The following SRRM3 variants were observed in gnomAD, a reference collection of about 807,000 sequenced individuals.
SRRM3 encodes serine/arginine repetitive matrix protein 3.
Under a neutral mutation model 66.2 loss-of-function variants are expected in SRRM3, and 27 were observed. The observed-to-expected ratio is 0.41, with a 90% confidence interval of 0.30 to 0.56. The LOEUF is 0.56. SRRM3 is among the 20% of genes least tolerant of loss of function. The pLI is 0.32. For missense variants in SRRM3, 918 were observed against 991.9 expected (o/e 0.93, Z 1.00); for synonymous variants, 391 against 414.9 (o/e 0.94, Z 0.70).
chr7:76,216,750 G>GTCTCTCCC (rs1800579816), intron 1 of SRRM3, among the ~76,000 whole-genome samples: 1 of 152,164 alleles, frequency 6.6e-6, no homozygotes, highest in Non-Finnish European at 1.5e-5. Context: ...TGAATGTGGG[G>GTCTCTCCC]TCTCTCCCTC....
At chr7:76,274,780 G>T (rs142523644) in intron 11 of SRRM3, among the ~76,000 whole-genome samples, 331 of 152,302 alleles carry the variant, frequency 2.2e-3, no homozygotes, top group Middle Eastern at 3.4e-3. Context: ...CCTTTAAACT[G>T]TTTCCTTTCC....
intron 1 of SRRM3, among the ~76,000 whole-genome samples, chr7:76,218,174 G>A (rs1159139637): frequency 6.6e-6 from 1 of 152,138 alleles, no homozygotes; most frequent in East Asian, 1.9e-4. Flanking sequence ...TGAAAACTGG[G>A]TAAAGCACAC....
chr7:76,264,180 T>C (rs1245204915), intron 8 of SRRM3, among the ~76,000 whole-genome samples: 2 of 150,958 alleles, frequency 1.3e-5, no homozygotes, highest in Non-Finnish European at 3.0e-5. Flanking sequence ...TTTTTTTTTT[T>C]TCCTGAGACG....
chr7:76,248,322 G>T, intron 3 of SRRM3, 33 bp downstream of exon 3: 1 of 1,554,338 alleles, frequency 6.4e-7, no homozygotes, highest in Non-Finnish European at 8.9e-7. Flanking sequence ...ATGAGGGAGA[G>T]GGGGTGCAGG....
chr7:76,231,896 G>C (rs184042135), intron 1 of SRRM3, among the ~76,000 whole-genome samples: 1 of 152,286 alleles, frequency 6.6e-6, no homozygotes, highest in Non-Finnish European at 1.5e-5. Context: ...CTCCAGCGGA[G>C]GGGAAACACA....
In SRRM3 at chr7:76,286,574, C is replaced by T. The variant is rs782222478; in HGVS notation, c.*731C>T. ...CTTGGTCTGACCTCTCCAGGCCAGG[C>T]TCTCCTCACCCCATGCCCTGGGCCA... is the stretch of plus-strand genomic sequence containing the variant. On this transcript the variant is annotated 3_prime_UTR_variant, in exon 15 of 15. Transcript: ENST00000611745. 3.9e-5 allele frequency: 6 copies of T among 152,362 alleles called. No homozygotes were observed. The highest frequency in any genetic ancestry group is 2.0e-4 in the Admixed American group (3 of 15,272). The allele number at this position is 152,362 out of a possible 1,614,324, so 9.4% of individuals were successfully genotyped here.
chr7:76,285,756 T>C lies in SRRM3; in HGVS notation c.1875T>C (p.His625=), dbSNP rs1015719360. 6.4e-7 allele frequency: 1 copy of C among 1,550,794 alleles called. No individual in the cohort carries two copies. Among genetic ancestry groups the C allele is most frequent in the Non-Finnish European group, 8.7e-7 (1 of 1,146,950 alleles). The change falls in exon 15 of 15, where the codon CAT becomes CAC. Residue 625 remains histidine (H), a synonymous_variant. Transcript: ENST00000611745. This position sits in a 1 kb window ranked among gnomAD's most constrained non-coding sequence, Gnocchi z 4.1. ...ACGGGAGCTACAGCAGTCGCAGCCATGGGACCCGCAGCCGGACACGCAGCC... is the reference window on the plus strand; with the variant it reads ...ACGGGAGCTACAGCAGTCGCAGCCACGGGACCCGCAGCCGGACACGCAGCC... The part of the protein sequence containing the change: ...HSHGSYSSRS[H]GTRSRTRSPS...
At chr7:76,229,590 T>G (rs1800961701) in intron 1 of SRRM3, among the ~76,000 whole-genome samples, 1 of 152,194 alleles carries the variant, frequency 6.6e-6, no homozygotes, top group African/African-American at 2.4e-5. Flanking sequence ...TGATATTGAC[T>G]CAAATTGAGT....
chr7:76,283,776 G>T (rs891834939), intron 14 of SRRM3: 28 of 985,304 alleles, frequency 2.8e-5, no homozygotes, highest in Middle Eastern at 5.2e-4. Context: ...GGCGTGGCTG[G>T]TGAAGCCATT....
intron 2 of SRRM3, among the ~76,000 whole-genome samples, chr7:76,240,906 G>GT (rs1262641173): frequency 6.6e-6 from 1 of 151,412 alleles, no homozygotes; most frequent in East Asian, 2.0e-4. Context: ...TTGGTTTTTT[G>GT]TTTTTTTCAA....
At chr7:76,244,859 T>G (rs2117019526) in intron 2 of SRRM3, among the ~76,000 whole-genome samples, 1 of 152,382 alleles carries the variant, frequency 6.6e-6, no homozygotes, top group East Asian at 1.9e-4. Flanking sequence ...TCCATGCCTC[T>G]CTATCACCAG....
intron 1 of SRRM3, among the ~76,000 whole-genome samples, chr7:76,222,836 G>A (rs1183788961): frequency 6.6e-6 from 1 of 151,816 alleles, no homozygotes; most frequent in African/African-American, 2.4e-5. Context: ...GGCTGGTCTC[G>A]AACTCCTGAC....
chr7:76,217,596 G>GT (rs1336889170), intron 1 of SRRM3, among the ~76,000 whole-genome samples: 15 of 152,134 alleles, frequency 9.9e-5, no homozygotes, highest in Non-Finnish European at 1.9e-4. Context: ...GCAAATGCAG[G>GT]TTTTACGTCC....
At chr7:76,252,009 T>C (rs1356720847) in intron 3 of SRRM3, among the ~76,000 whole-genome samples, 8 of 152,066 alleles carry the variant, frequency 5.3e-5, no homozygotes, top group Admixed American at 1.3e-4. Flanking sequence ...AGGTGGAGTT[T>C]GCACTGAGCC....
chr7:76,222,796 A>AT (rs1800759536), intron 1 of SRRM3, among the ~76,000 whole-genome samples: 1 of 151,564 alleles, frequency 6.6e-6, no homozygotes, highest in Non-Finnish European at 1.5e-5. Context: ...TAATTTTTGT[A>AT]TTTTTAGTGG....
At chr7:76,267,712 T>C (rs979009777) in intron 11 of SRRM3, 26 of 352,638 alleles carry the variant, frequency 7.4e-5, no homozygotes, top group Non-Finnish European at 1.3e-4. Context: ...AGAGGGGGGT[T>C]GACCGCGGGG....
intron 1 of SRRM3, among the ~76,000 whole-genome samples, chr7:76,227,028 T>A (rs1229571148): frequency 6.6e-6 from 1 of 151,914 alleles, no homozygotes. Flanking sequence ...TCACAGCCAA[T>A]CAGTGGTAGG....
At chr7:76,236,005 C>CAAAAAAAAAAAAAAAAAA (rs1161706465) in intron 2 of SRRM3, among the ~76,000 whole-genome samples, 5 of 20,274 alleles carry the variant, frequency 2.5e-4, no homozygotes, top group African/African-American at 3.2e-4. Flanking sequence ...GATTCTGTCT[C>CAAAAAAAAAAAAAAAAAA]AAAAAAAAAA....
chr7:76,222,175 G>A (rs959147436), intron 1 of SRRM3, among the ~76,000 whole-genome samples: 9 of 152,150 alleles, frequency 5.9e-5, no homozygotes, highest in Non-Finnish European at 1.2e-4. Flanking sequence ...CAGAGCTTTG[G>A]GAGGCCAAGG....
Sources: gnomAD v4.1 joint callset for allele counts (sites outside exome capture counted in the v4.1 genomes callset) on GRCh38, gnomAD v4.1.1 for gene constraint, Gnocchi (gnomAD v3.1) non-coding constraint, MANE v1.5 for transcripts, NCBI Gene and HGNC (gene_info 2026-07-23, HGNC 2026-07-21) for gene names.